Variants in AVL9 observed in about 807,000 individuals in gnomAD.
The protein encoded by AVL9 is AVL9 cell migration associated, also known as late secretory pathway protein AVL9 homolog.
AVL9 carries 49 observed loss-of-function variants against 79.2 expected under a neutral mutation model. The ratio of observed to expected loss-of-function variants is 0.62; its 90% CI spans 0.49 to 0.79. The LOEUF is 0.79. AVL9 is among the 30% of genes least tolerant of loss of function. The probability of loss-of-function intolerance (pLI) is 0.00; values close to 1 mark genes in which losing one functional copy is unlikely to be tolerated. For synonymous variants in AVL9, 299 were observed against 280.6 expected (o/e 1.07, Z -0.65); for missense variants, 682 against 776.8 (o/e 0.88, Z 1.45).
intron 1 of AVL9, among the ~76,000 whole-genome samples, chr7:32,498,779 TTACTC>T (rs1786980826): frequency 6.6e-6 from 1 of 151,800 alleles, no homozygotes. Flanking sequence ...TTCAAAATAT[TTACTC>T]ATTTCAACTT....
At chr7:32,582,369 GAGAGAGA>G (rs55825232) in intron 15 of AVL9, among the ~76,000 whole-genome samples, 49,480 of 151,714 alleles carry the variant, frequency 0.33, 8,581 homozygotes, top group East Asian at 0.48. Context: ...TGAATACCTA[GAGAGAGA>G]CAGAAAACTC....
At chr7:32,521,138 C>T (rs1788129032) in intron 1 of AVL9, among the ~76,000 whole-genome samples, 1 of 152,046 alleles carries the variant, frequency 6.6e-6, no homozygotes, top group Admixed American at 6.6e-5. Context: ...ATGTCTTTAT[C>T]AGCAGCACGA....
intron 1 of AVL9, among the ~76,000 whole-genome samples, chr7:32,509,344 A>C (rs558661081): frequency 1.3e-5 from 2 of 152,254 alleles, no homozygotes; most frequent in East Asian, 3.9e-4. Flanking sequence ...TGTACCCTGT[A>C]TCTATATAGC....
intron 2 of AVL9, among the ~76,000 whole-genome samples, chr7:32,544,051 G>C (rs1403010951): frequency 1.3e-5 from 2 of 151,892 alleles, no homozygotes; most frequent in African/African-American, 4.8e-5. Context: ...GAGCCACTAT[G>C]CCTGGCTCTG....
At chr7:32,519,427 CAAAA>C (rs60258831) in intron 1 of AVL9, among the ~76,000 whole-genome samples, 98 of 124,864 alleles carry the variant, frequency 7.8e-4, no homozygotes, top group African/African-American at 2.7e-3. Flanking sequence ...GACTCTGTCC[CAAAA>C]AAAAAAAAAA....
chr7:32,503,390 A>C (rs1787257558), intron 1 of AVL9, among the ~76,000 whole-genome samples: 1 of 146,492 alleles, frequency 6.8e-6, no homozygotes, highest in African/African-American at 2.5e-5. Flanking sequence ...ACACACACAC[A>C]CACACACACA....
chr7:32,583,852 C>T lies in AVL9; in HGVS notation c.1892C>T (p.Thr631Ile), dbSNP rs753729282. Residue 631 changes from threonine to isoleucine, a missense_variant, in exon 16 of 16, where the codon ACT becomes ATT. Coordinates refer to ENST00000318709, the MANE Select transcript of AVL9 (RefSeq NM_015060.3). ...ACAGCTATGTCTTCATGGCTTTCCA[C>T]TTTCACCACTTCCACCTCCCAAAGT... is the stretch of plus-strand genomic sequence containing the variant. ...AKTAMSSWLSTFTTSTSQSLT... is the reference protein window; with the variant it reads ...AKTAMSSWLSIFTTSTSQSLT... The T allele has an allele frequency of 1.9e-6, 3 of 1,614,144 alleles. No homozygotes were observed. The highest frequency in any genetic ancestry group is 4.5e-5 in the East Asian group (2 of 44,886).
In AVL9 at chr7:32,585,442, T is replaced by C. The variant is rs1460277070; in HGVS notation, c.*1535T>C. On this transcript the variant is annotated 3_prime_UTR_variant, in exon 16 of 16. Transcript: ENST00000318709. ...GTGTTTGCCATGCTCAGCTCTCATT[T>C]GCTTTTCAAGGATACCTGGGATGGC... is the stretch of plus-strand genomic sequence containing the variant. The C allele has an allele frequency of 1.3e-5, 2 of 152,220 alleles. No homozygotes were observed. Among genetic ancestry groups the C allele is most frequent in the Non-Finnish European group, 2.9e-5 (2 of 68,036 alleles). 9.4% of individuals were successfully genotyped at this position (152,220 alleles called of 1,614,324 possible).
Position 32,546,261 on chromosome 7 carries a change from C to T in AVL9, c.300+1482C>T, listed in dbSNP as rs559345303. ...AATTTAAAACATAGTACCTTGAGTA[C>T]CTGTGTACCCATCACCTAGACTCAT... On this transcript the variant is annotated intron_variant, in intron 3 of 15. Transcript: ENST00000318709. Among the ~76,000 whole-genome samples the T allele has an allele frequency of 1.6e-4, 25 of 152,036 alleles. No homozygotes were observed. In the South Asian group the frequency reaches 5.0e-3, roughly 30 times the overall value.
chr7:32,561,042 C>T (rs1356944203), intron 10 of AVL9, among the ~76,000 whole-genome samples: 1 of 152,120 alleles, frequency 6.6e-6, no homozygotes, highest in African/African-American at 2.4e-5. Flanking sequence ...GTGCTGTCAT[C>T]CAGGCTTTGT....
At chr7:32,519,020 A>G (rs191502795) in intron 1 of AVL9, among the ~76,000 whole-genome samples, 1 of 152,306 alleles carries the variant, frequency 6.6e-6, no homozygotes, top group Admixed American at 6.5e-5. Flanking sequence ...CAAATGAAAA[A>G]TCTTTTGGTT....
intron 14 of AVL9, among the ~76,000 whole-genome samples, chr7:32,580,564 G>A (rs550248498): frequency 6.6e-6 from 1 of 152,240 alleles, no homozygotes; most frequent in East Asian, 1.9e-4. Context: ...ACATCCTTAT[G>A]TCCTCACCAC....
chr7:32,524,184 G>A (rs1788300762), intron 1 of AVL9, among the ~76,000 whole-genome samples: 1 of 151,986 alleles, frequency 6.6e-6, no homozygotes, highest in South Asian at 2.1e-4. Flanking sequence ...CAGACTTTAT[G>A]TAAGGTAGTT....
chr7:32,578,974 A>C (rs1242718743), intron 13 of AVL9, among the ~76,000 whole-genome samples: 1 of 152,116 alleles, frequency 6.6e-6, no homozygotes, highest in Non-Finnish European at 1.5e-5. Flanking sequence ...CCTTAAATAC[A>C]GCCATGCCAG....
chr7:32,501,340 G>A, intron 1 of AVL9, among the ~76,000 whole-genome samples: 1 of 152,194 alleles, frequency 6.6e-6, no homozygotes, highest in East Asian at 1.9e-4. Flanking sequence ...TTTGGAACAA[G>A]AAAGAAGAAA....
At chr7:32,571,755 C>T (rs1344687533) in intron 11 of AVL9, among the ~76,000 whole-genome samples, 6 of 151,942 alleles carry the variant, frequency 3.9e-5, no homozygotes, top group Non-Finnish European at 8.8e-5. Flanking sequence ...TGGTTACATT[C>T]TAGTTCTGTA....
In AVL9 at chr7:32,548,867, A is replaced by G; in HGVS notation, c.321A>G (p.Ala107=). 1.9e-6 allele frequency: 3 copies of G among 1,577,982 alleles called. No homozygotes were observed. The highest frequency in any genetic ancestry group is 2.6e-6 in the Non-Finnish European group (3 of 1,164,260). ...AATAGGCACTGAAAGTAAGGCAAGC[A>G]GATATCACCAGAGAGACTGTTCAGA... ...IEAKALKVRQ[A]DITRETVQKS... is the part of the protein sequence containing the mutation. Residue 107 remains alanine, a synonymous_variant, in exon 4 of 16, where the codon GCA becomes GCG. Transcript: ENST00000318709.
At chr7:32,559,615 A>T (rs1053076823) in intron 10 of AVL9, 151 bp downstream of exon 10, 2 of 695,104 alleles carry the variant, frequency 2.9e-6, no homozygotes, top group African/African-American at 3.6e-5. Flanking sequence ...GTACTGTGGC[A>T]TCCGTGACCA....
At chr7:32,550,381 G>A (rs1329578097) in intron 4 of AVL9, among the ~76,000 whole-genome samples, 2 of 151,992 alleles carry the variant, frequency 1.3e-5, no homozygotes, top group African/African-American at 4.8e-5. Flanking sequence ...TAAAAAAATC[G>A]AGTTTTATCT....
Sources: allele counts gnomAD v4.1 joint callset (sites outside exome capture counted in the v4.1 genomes callset), GRCh38; gene constraint gnomAD v4.1.1; transcripts MANE v1.5; gene names NCBI Gene and HGNC (gene_info 2026-07-23, HGNC 2026-07-21).